Variants in PRKCA observed in about 807,000 individuals in gnomAD.
PRKCA encodes the protein protein kinase C alpha type.
In PRKCA, 27 loss-of-function variants were observed where a neutral mutation model predicts 87.0. That is an observed-to-expected ratio of 0.31 (90% confidence interval 0.23 to 0.43). The LOEUF (loss-of-function observed/expected upper bound fraction) is 0.43, where lower values mean the gene tolerates loss of function less well. PRKCA is among the 20% of genes least tolerant of loss of function. The probability of loss-of-function intolerance (pLI) is 1.00; values close to 1 mark genes in which losing one functional copy is unlikely to be tolerated. For missense variants in PRKCA, 518 were observed against 852.3 expected (o/e 0.61, Z 4.88); for synonymous variants, 329 against 311.1 (o/e 1.06, Z -0.61).
At chr17:66,608,449 C>T (rs554814261) in intron 3 of PRKCA, among the ~76,000 whole-genome samples, 75 of 152,262 alleles carry the variant, frequency 4.9e-4, no homozygotes, top group African/African-American at 1.8e-3. Flanking sequence ...GTAATATTTT[C>T]CCATCAGTGG....
intron 14 of PRKCA, among the ~76,000 whole-genome samples, chr17:66,779,346 AC>A (rs1435927067): frequency 6.6e-6 from 1 of 152,102 alleles, no homozygotes; most frequent in East Asian, 1.9e-4. Context: ...CTTGACAAAT[AC>A]AATCACTTTT....
At chr17:66,717,938 G>C (rs951358593) in intron 8 of PRKCA, among the ~76,000 whole-genome samples, 3 of 152,204 alleles carry the variant, frequency 2.0e-5, no homozygotes, top group Admixed American at 6.5e-5. Flanking sequence ...TGTTGACCCA[G>C]TTGTGTGGGA....
At chr17:66,516,780 C>T (rs984562583) in intron 3 of PRKCA, among the ~76,000 whole-genome samples, 2 of 152,122 alleles carry the variant, frequency 1.3e-5, no homozygotes, top group African/African-American at 4.8e-5. Flanking sequence ...CTGAGAACAA[C>T]CTCCAGTGAG....
At chr17:66,605,650 G>T (rs1002414798) in intron 3 of PRKCA, among the ~76,000 whole-genome samples, 1 of 152,184 alleles carries the variant, frequency 6.6e-6, no homozygotes, top group African/African-American at 2.4e-5. Flanking sequence ...TACAAGAAGG[G>T]TCATAGCAGC....
At chr17:66,735,349 C>A in intron 9 of PRKCA, 140 bp from the exon 10 acceptor site, 1 of 878,086 alleles carries the variant, frequency 1.1e-6, no homozygotes, top group African/African-American at 1.7e-5. Flanking sequence ...CAAATTTGCA[C>A]ATAAAGTTTA....
intron 2 of PRKCA, among the ~76,000 whole-genome samples, chr17:66,306,651 T>C (rs1390672372): frequency 6.6e-6 from 1 of 152,172 alleles, no homozygotes; most frequent in Admixed American, 6.5e-5. Flanking sequence ...GGTATGACTA[T>C]GTAGCATGCT....
intron 3 of PRKCA, among the ~76,000 whole-genome samples, chr17:66,571,103 T>G (rs2143391002): frequency 6.6e-6 from 1 of 152,296 alleles, no homozygotes; most frequent in South Asian, 2.1e-4. Flanking sequence ...CTTCTTAAAT[T>G]TCGTACTAAA....
chr17:66,330,750 A>G (rs572284840), intron 2 of PRKCA, among the ~76,000 whole-genome samples: 1 of 152,310 alleles, frequency 6.6e-6, no homozygotes, highest in South Asian at 2.1e-4. Flanking sequence ...AATTTTATAA[A>G]TTAGTTAAGA....
intron 3 of PRKCA, among the ~76,000 whole-genome samples, chr17:66,573,372 C>G (rs2143406917): frequency 6.6e-6 from 1 of 152,274 alleles, no homozygotes; most frequent in African/African-American, 2.4e-5. Flanking sequence ...TTTAAAATCT[C>G]CATGACTGAA....
intron 8 of PRKCA, among the ~76,000 whole-genome samples, chr17:66,720,265 A>G (rs754504586): frequency 3.3e-5 from 5 of 152,204 alleles, no homozygotes; most frequent in Non-Finnish European, 5.9e-5. Flanking sequence ...GCCCAACTGC[A>G]AAGGCCCTCA....
intron 8 of PRKCA, among the ~76,000 whole-genome samples, chr17:66,724,360 G>A (rs1364894303): frequency 2.0e-5 from 3 of 152,116 alleles, no homozygotes; most frequent in Admixed American, 6.5e-5. Flanking sequence ...TGGTGCAGGG[G>A]TGGAGGACAG....
At chr17:66,318,204 A>C (rs1905428012) in intron 2 of PRKCA, among the ~76,000 whole-genome samples, 1 of 152,226 alleles carries the variant, frequency 6.6e-6, no homozygotes, top group South Asian at 2.1e-4. Context: ...TCTGAATGGC[A>C]CATTAATATG....
In PRKCA at chr17:66,650,858, G is replaced by A. The variant is rs150417460; in HGVS notation, c.529+5347G>A. On this transcript the variant is annotated intron_variant, in intron 5 of 16. Coordinates refer to ENST00000413366, the MANE Select transcript of PRKCA (RefSeq NM_002737.3). ...TGAGCCTCAGCTTTGTATGATAATCGTTCATTTTTTTTGCTTCACCCATTG... is the reference window on the plus strand; with the variant it reads ...TGAGCCTCAGCTTTGTATGATAATCATTCATTTTTTTTGCTTCACCCATTG... Among the ~76,000 whole-genome samples, 783 of 152,198 alleles carry A rather than the reference G, an allele frequency of 5.1e-3. 10 individuals are homozygous for A. The highest frequency in any genetic ancestry group is 0.016 in the African/African-American group (672 of 41,508).
At chr17:66,696,988 C>T (rs571940533) in intron 8 of PRKCA, among the ~76,000 whole-genome samples, 1 of 152,254 alleles carries the variant, frequency 6.6e-6, no homozygotes, top group East Asian at 1.9e-4. Context: ...CTGTGCTCTG[C>T]CTTAGAACCT....
chr17:66,560,660 G>T lies in PRKCA; in HGVS notation c.288+64377G>T, dbSNP rs148864672. Among the ~76,000 whole-genome samples, 4 of 152,272 alleles carry T rather than the reference G, an allele frequency of 2.6e-5. No homozygotes were observed. In the East Asian group the frequency reaches 7.7e-4, roughly 29 times the overall value. ...AAGGAGATAATGTACCAAACACTTTGTAAGCCCTATGACACCGTTCAAAGT... is the reference window on the plus strand; with the variant it reads ...AAGGAGATAATGTACCAAACACTTTTTAAGCCCTATGACACCGTTCAAAGT... On this transcript the variant is annotated intron_variant, in intron 3 of 16. Coordinates refer to ENST00000413366, the MANE Select transcript of PRKCA (RefSeq NM_002737.3).
chr17:66,562,330 C>T (rs1968737202), intron 3 of PRKCA, among the ~76,000 whole-genome samples: 1 of 151,154 alleles, frequency 6.6e-6, no homozygotes, highest in East Asian at 1.9e-4. Context: ...GAGTACCACC[C>T]TATAAATGCT....
chr17:66,554,786 A>C (rs1359144916), intron 3 of PRKCA, among the ~76,000 whole-genome samples: 1 of 151,632 alleles, frequency 6.6e-6, no homozygotes, highest in Non-Finnish European at 1.5e-5. Context: ...GCCAGTTGGG[A>C]TTATCTGTTG....
intron 8 of PRKCA, among the ~76,000 whole-genome samples, chr17:66,702,200 GTATA>G (rs1973081256): frequency 7.6e-6 from 1 of 131,872 alleles, no homozygotes; most frequent in Non-Finnish European, 1.7e-5. Flanking sequence ...ACACATATAT[GTATA>G]TGTGTGTATG....
intron 8 of PRKCA, among the ~76,000 whole-genome samples, chr17:66,722,441 C>T (rs964033794): frequency 6.6e-6 from 1 of 152,222 alleles, no homozygotes; most frequent in Non-Finnish European, 1.5e-5. Flanking sequence ...TCACATTACA[C>T]ATGGATAGCT....
Sources: gnomAD v4.1 joint callset for allele counts (sites outside exome capture counted in the v4.1 genomes callset) on GRCh38, gnomAD v4.1.1 for gene constraint, MANE v1.5 for transcripts, NCBI Gene and HGNC (gene_info 2026-07-23, HGNC 2026-07-21) for gene names.